Variants in ERBIN observed in about 807,000 individuals in gnomAD.
ERBIN encodes erbb2 interacting protein, also known as densin-180-like protein.
In ERBIN, 60 loss-of-function variants were observed where a neutral mutation model predicts 158.4. The ratio of observed to expected loss-of-function variants is 0.38; its 90% CI spans 0.31 to 0.47. The LOEUF is 0.47. Among genes scored for constraint, ERBIN ranks in the 20% least tolerant of loss-of-function variants. The pLI is 0.99. For missense variants in ERBIN, 1,610 were observed against 1,648.0 expected, an observed-to-expected ratio of 0.98 and a Z score of 0.40; for synonymous variants, 594 against 557.2, an observed-to-expected ratio of 1.07 and a Z score of -0.93.
intron 1 of ERBIN, among the ~76,000 whole-genome samples, chr5:65,977,757 C>T (rs1255000278): frequency 2.6e-5 from 4 of 152,150 alleles, no homozygotes; most frequent in Non-Finnish European, 5.9e-5. Flanking sequence ...GACGGGGTGG[C>T]GGCCGGGCAG....
At chr5:65,987,396 G>A (rs867926148) in intron 1 of ERBIN, among the ~76,000 whole-genome samples, 17 of 14,382 alleles carry the variant, frequency 1.2e-3, no homozygotes, top group South Asian at 2.4e-3. Flanking sequence ...ACACACACAC[G>A]AAAAAAGAAA....
At chr5:65,993,562 A>G (rs1311135049) in intron 3 of ERBIN, among the ~76,000 whole-genome samples, 1 of 151,824 alleles carries the variant, frequency 6.6e-6, no homozygotes, top group Non-Finnish European at 1.5e-5. Context: ...TTTCCCTCTC[A>G]TTATCCTATA....
chr5:65,946,909 A>T (rs151174701), intron 1 of ERBIN, among the ~76,000 whole-genome samples: 1 of 151,182 alleles, frequency 6.6e-6, no homozygotes. Context: ...TAACTGTGCT[A>T]TTCAACATCT....
chr5:65,941,122 G>A (rs2150882485), intron 1 of ERBIN, among the ~76,000 whole-genome samples: 1 of 152,142 alleles, frequency 6.6e-6, no homozygotes, highest in South Asian at 2.1e-4. Flanking sequence ...AAGGCAGCAT[G>A]CTCATTAAGA....
rs1749271291 is a variant in ERBIN at position 65,971,761 on chromosome 5, G to A, written c.-57-16874G>A. ...TTCAGATGTTACAGTTCCGCTAAAT[G>A]CAGGGACAGACTTGCTATCTTTCAG... is the stretch of plus-strand genomic sequence containing the variant. On this transcript the variant is annotated intron_variant, in intron 1 of 25. Transcript: ENST00000284037. Among the ~76,000 whole-genome samples, 4 of 152,318 alleles carry A rather than the reference G, an allele frequency of 2.6e-5. No individual in the cohort carries two copies. In the South Asian group the frequency reaches 8.3e-4, roughly 32 times the overall value.
At position 66,078,631 on chromosome 5, in the gene ERBIN, C is replaced by A; in HGVS notation, c.*101C>A. 1.4e-6 allele frequency: 1 copy of A among 735,806 alleles called. No individual in the cohort carries two copies. Among genetic ancestry groups the A allele is most frequent in the Non-Finnish European group, 2.3e-6 (1 of 435,150 alleles). The allele number at this position is 735,806 out of a possible 1,614,324, so 45.6% of individuals were successfully genotyped here. A position where few individuals can be genotyped will look rare whatever the true frequency, so the allele number is the denominator to read the frequency against. Reference sequence around the variant, plus strand: ...CTATTTTTATATATAAAGAAGAACTCAAAAAATTATGTTCAAATTTGTACA... The same window carrying A: ...CTATTTTTATATATAAAGAAGAACTAAAAAAATTATGTTCAAATTTGTACA... On this transcript the variant is annotated 3_prime_UTR_variant, in exon 26 of 26. Coordinates refer to ENST00000284037, the MANE Select transcript of ERBIN (RefSeq NM_001253697.2).
At chr5:66,048,374 A>G (rs550828300) in intron 18 of ERBIN, among the ~76,000 whole-genome samples, 1 of 152,006 alleles carries the variant, frequency 6.6e-6, no homozygotes, top group South Asian at 2.1e-4. Flanking sequence ...GAAAGTTACT[A>G]TAGTTGTAAG....
chr5:65,942,653 A>G (rs981439728), intron 1 of ERBIN, among the ~76,000 whole-genome samples: 2 of 152,260 alleles, frequency 1.3e-5, no homozygotes, highest in South Asian at 2.1e-4. Context: ...GGCTGGGTGC[A>G]GTGGCTCATG....
chr5:66,049,107 A>G (rs548898337), intron 19 of ERBIN, among the ~76,000 whole-genome samples: 21 of 152,240 alleles, frequency 1.4e-4, no homozygotes, highest in East Asian at 5.8e-4. Context: ...TTGACATACA[A>G]TGAGGCTAAT....
intron 1 of ERBIN, among the ~76,000 whole-genome samples, chr5:65,983,601 A>G (rs1750879727): frequency 6.6e-6 from 1 of 152,056 alleles, no homozygotes; most frequent in Non-Finnish European, 1.5e-5. Context: ...ATGATCTTAC[A>G]CAACCACTAA....
At chr5:66,076,155 T>C in intron 23 of ERBIN, 161 bp from the exon 24 acceptor site, 3 of 602,384 alleles carry the variant, frequency 5.0e-6, no homozygotes, top group South Asian at 4.2e-5. Context: ...TAACATAATA[T>C]TCTATGTTGT....
At chr5:65,992,980 G>T in intron 3 of ERBIN, 73 bp downstream of exon 3, 1 of 1,173,884 alleles carries the variant, frequency 8.5e-7, no homozygotes, top group Non-Finnish European at 1.1e-6. Flanking sequence ...TCCTAATATT[G>T]CTATAAAGTT....
At chr5:66,055,160 T>C in intron 21 of ERBIN, 1 of 1,222,768 alleles carries the variant, frequency 8.2e-7, no homozygotes. Flanking sequence ...CTCCCCACTG[T>C]TTCTAACAAA....
intron 1 of ERBIN, among the ~76,000 whole-genome samples, chr5:65,952,020 G>A (rs1746558782): frequency 6.6e-6 from 1 of 152,148 alleles, no homozygotes; most frequent in African/African-American, 2.4e-5. Context: ...TTCTGCTTGT[G>A]TGATTTTCCC....
chr5:66,027,277 GT>G (rs1219819603), intron 13 of ERBIN, among the ~76,000 whole-genome samples: 1 of 151,824 alleles, frequency 6.6e-6, no homozygotes, highest in African/African-American at 2.4e-5. Flanking sequence ...TCTAACTTCT[GT>G]TTTATTTAAA....
chr5:65,990,539 G>A (rs1424428910), intron 2 of ERBIN, among the ~76,000 whole-genome samples: 2 of 145,694 alleles, frequency 1.4e-5, no homozygotes, highest in East Asian at 3.9e-4. Flanking sequence ...GCATGGTGGC[G>A]GGCAGCTACT....
At chr5:65,961,277 G>A (rs370129592) in intron 1 of ERBIN, 37 of 152,268 alleles carry the variant, frequency 2.4e-4, no homozygotes, top group African/African-American at 8.7e-4. Context: ...TCACCCCTGG[G>A]CATGAACTTT....
chr5:65,939,364 G>A (rs958347039), intron 1 of ERBIN, among the ~76,000 whole-genome samples: 4 of 152,126 alleles, frequency 2.6e-5, no homozygotes, highest in Non-Finnish European at 5.9e-5. Context: ...TTGAACCCGG[G>A]GGGCAGAGGT....
chr5:65,984,417 C>T (rs1050678394), intron 1 of ERBIN, among the ~76,000 whole-genome samples: 1 of 152,196 alleles, frequency 6.6e-6, no homozygotes, highest in Non-Finnish European at 1.5e-5. Context: ...TCTTTTTCTC[C>T]TCTCTGCCCC....
Sources: allele counts gnomAD v4.1 joint callset (sites outside exome capture counted in the v4.1 genomes callset), GRCh38; gene constraint gnomAD v4.1.1; transcripts MANE v1.5; gene names NCBI Gene and HGNC (gene_info 2026-07-23, HGNC 2026-07-21).